COPG2: variants seen among roughly 807,000 people sequenced by gnomAD.
The protein encoded by COPG2 is coat protein complex I subunit gamma 2, also known as coatomer subunit gamma-2.
In COPG2, 37 loss-of-function variants were observed where a neutral mutation model predicts 46.3. The observed-to-expected ratio is 0.80, with a 90% CI of 0.61 to 1.05. The LOEUF is 1.05. Ranked by LOEUF, COPG2 falls within the 50% of genes least tolerant of loss-of-function variation. COPG2 has a pLI of 0.00. For synonymous variants in COPG2, 159 were observed against 129.7 expected (o/e 1.23, Z -1.53); for missense variants, 427 against 387.8 (o/e 1.10, Z -0.85).
At position 130,590,254 on chromosome 7, in the gene COPG2, C is replaced by T. The variant is rs553494392; in HGVS notation, c.737+20699G>A. Among the ~76,000 whole-genome samples the T allele has an allele frequency of 1.3e-4, 20 of 152,166 alleles. 1 individual carries two copies. In the South Asian group the frequency reaches 3.9e-3, roughly 30 times the overall value. On this transcript the variant is annotated intron_variant, in intron 9 of 23. Transcript: ENST00000425248. ...CTCTCCCCACGGTCTCCCTCTCCCTCTCCCCACGGTCTCCCTCTCCCTCTC... is the reference window on the plus strand; with the variant it reads ...CTCTCCCCACGGTCTCCCTCTCCCTTTCCCCACGGTCTCCCTCTCCCTCTC...
intron 5 of COPG2, among the ~76,000 whole-genome samples, chr7:130,639,482 T>C (rs1554456888): frequency 6.6e-6 from 1 of 152,212 alleles, no homozygotes; most frequent in East Asian, 1.9e-4. Flanking sequence ...CTTGTAGAGA[T>C]TAACATTGGT....
intron 20 of COPG2, chr7:130,508,951 G>A (rs1799549474): frequency 6.5e-5 from 32 of 493,498 alleles, no homozygotes; most frequent in South Asian, 5.5e-4. Context: ...ACTTTTGGGG[G>A]CTTTTTGCCA....
chr7:130,588,343 A>G (rs1288026117), intron 9 of COPG2, among the ~76,000 whole-genome samples: 2 of 151,872 alleles, frequency 1.3e-5, no homozygotes, highest in African/African-American at 4.8e-5. Context: ...AGACACATGC[A>G]CACGTATGTT....
chr7:130,521,944 G>A (rs927862417), intron 20 of COPG2, among the ~76,000 whole-genome samples: 1 of 152,166 alleles, frequency 6.6e-6, no homozygotes, highest in Non-Finnish European at 1.5e-5. Context: ...AAAAGGTGGA[G>A]AGGCACCGTA....
At chr7:130,550,169 G>A (rs919134528) in intron 17 of COPG2, among the ~76,000 whole-genome samples, 2 of 152,070 alleles carry the variant, frequency 1.3e-5, no homozygotes, top group Non-Finnish European at 2.9e-5. Context: ...CTAGCACTGT[G>A]GGAGGCCGAG....
At chr7:130,512,613 C>A (rs532528691) in intron 20 of COPG2, among the ~76,000 whole-genome samples, 1 of 152,064 alleles carries the variant, frequency 6.6e-6, no homozygotes, top group African/African-American at 2.4e-5. Flanking sequence ...AACCCCGTCT[C>A]TACTAAAAAT....
At chr7:130,645,037 G>C (rs113342080) in intron 5 of COPG2, among the ~76,000 whole-genome samples, 3,112 of 149,864 alleles carry the variant, frequency 0.021, 83 homozygotes, top group African/African-American at 0.065. Context: ...ACTCCAGCCT[G>C]GGGGACAAGA....
Position 130,666,829 on chromosome 7 carries a change from G to T in COPG2, c.171+20C>A. ...TCTATTCCAGGACACACTTATCTGAGGAAAATAAAAATAATATACCTGGTT... is the reference window on the plus strand; with the variant it reads ...TCTATTCCAGGACACACTTATCTGATGAAAATAAAAATAATATACCTGGTT... On this transcript the variant is annotated intron_variant, in intron 3 of 23. Coordinates refer to ENST00000425248, the MANE Select transcript of COPG2 (RefSeq NM_012133.6). The T allele has an allele frequency of 8.8e-7, 1 of 1,137,424 alleles. No homozygotes were observed. The highest frequency in any genetic ancestry group is 1.4e-5 in the South Asian group (1 of 72,674). The allele number at this position is 1,137,424 out of a possible 1,614,324, so 70.5% of individuals were successfully genotyped here.
intron 5 of COPG2, among the ~76,000 whole-genome samples, chr7:130,652,190 T>G (rs1795761084): frequency 6.6e-6 from 1 of 152,250 alleles, no homozygotes; most frequent in African/African-American, 2.4e-5. Context: ...TATAAGTTTT[T>G]CTGTGTTATG....
At chr7:130,537,576 T>C (rs955775737) in intron 20 of COPG2, among the ~76,000 whole-genome samples, 105 of 149,776 alleles carry the variant, frequency 7.0e-4, no homozygotes, top group African/African-American at 2.6e-3. Context: ...AGAGGGTGAG[T>C]TTGCAGCATA....
chr7:130,510,097 G>T (rs1007806470), intron 20 of COPG2: 1 of 520,140 alleles, frequency 1.9e-6, no homozygotes, highest in East Asian at 5.4e-5. Flanking sequence ...CTGGTGAGCT[G>T]AGGCAGTCAA....
chr7:130,530,158 A>C (rs911551386), intron 20 of COPG2, among the ~76,000 whole-genome samples: 2 of 152,176 alleles, frequency 1.3e-5, no homozygotes, highest in South Asian at 2.1e-4. Flanking sequence ...AAGAAGTCTT[A>C]AACTGTAAAC....
chr7:130,562,692 G>A (rs1793737887), intron 11 of COPG2, among the ~76,000 whole-genome samples: 1 of 152,080 alleles, frequency 6.6e-6, no homozygotes, highest in Non-Finnish European at 1.5e-5. Flanking sequence ...CTTGAGATAT[G>A]TAAAAATATC....
intron 9 of COPG2, among the ~76,000 whole-genome samples, chr7:130,604,530 C>T (rs1794694625): frequency 6.6e-6 from 1 of 151,934 alleles, no homozygotes; most frequent in Non-Finnish European, 1.5e-5. Flanking sequence ...GGATATTGAC[C>T]AGCAACACTG....
At chr7:130,579,477 G>A (rs1359642031) in intron 9 of COPG2, among the ~76,000 whole-genome samples, 13 of 150,036 alleles carry the variant, frequency 8.7e-5, no homozygotes, top group Middle Eastern at 6.9e-3. Context: ...CATAATGACA[G>A]GATCAAATTC....
chr7:130,559,217 A>G (rs1219888145), intron 12 of COPG2, among the ~76,000 whole-genome samples: 1 of 152,318 alleles, frequency 6.6e-6, no homozygotes, highest in African/African-American at 2.4e-5. Flanking sequence ...TAAAAATCCT[A>G]AAGAAAATGC....
intron 9 of COPG2, among the ~76,000 whole-genome samples, chr7:130,597,685 TAATAA>T (rs1219386140): frequency 2.0e-5 from 3 of 152,094 alleles, no homozygotes; most frequent in Admixed American, 6.5e-5. Context: ...CTGTGAGCTA[TAATAA>T]AATAAGGGAA....
chr7:130,559,001 T>C (rs1318986534), intron 12 of COPG2, among the ~76,000 whole-genome samples: 2 of 152,182 alleles, frequency 1.3e-5, no homozygotes, highest in African/African-American at 4.8e-5. Context: ...GAAGGGAATA[T>C]AATTTTTAAT....
intron 5 of COPG2, among the ~76,000 whole-genome samples, chr7:130,645,781 A>G (rs1274155477): frequency 1.3e-5 from 2 of 152,132 alleles, no homozygotes; most frequent in African/African-American, 2.4e-5. Context: ...TCTCTGGTGA[A>G]GCTTTCCCAA....
Sources: allele counts gnomAD v4.1 joint callset (sites outside exome capture counted in the v4.1 genomes callset), GRCh38; gene constraint gnomAD v4.1.1; transcripts MANE v1.5; gene names NCBI Gene and HGNC (gene_info 2026-07-23, HGNC 2026-07-21).